The following COPZ1 variants were observed in gnomAD, a reference collection of about 807,000 sequenced individuals.
The protein encoded by COPZ1 is coatomer subunit zeta-1.
In COPZ1, 4 loss-of-function variants were observed where a neutral mutation model predicts 31.7. The ratio of observed to expected loss-of-function variants is 0.13; its 90% CI spans 0.06 to 0.29. COPZ1 has a LOEUF of 0.29. COPZ1 is among the 10% of genes least tolerant of loss of function. The pLI, the probability that COPZ1 is intolerant of heterozygous loss-of-function variation, is 1.00. For missense variants in COPZ1, 156 were observed against 211.5 expected (o/e 0.74, Z 1.63); for synonymous variants, 74 against 79.0 (o/e 0.94, Z 0.33).
chr12:54,338,347 G>A (rs1223857772), intron 1 of COPZ1, among the ~76,000 whole-genome samples: 1 of 152,202 alleles, frequency 6.6e-6, no homozygotes, highest in Admixed American at 6.5e-5. Flanking sequence ...TGCTTTACAG[G>A]AAGATCTTTC....
At chr12:54,331,384 T>G (rs1239090504) in intron 1 of COPZ1, among the ~76,000 whole-genome samples, 1 of 152,070 alleles carries the variant, frequency 6.6e-6, no homozygotes, top group African/African-American at 2.4e-5. Context: ...TTTCGCCATG[T>G]TGGCCAAGCT....
chr12:54,345,712 C>T (rs1954049723), intron 5 of COPZ1, among the ~76,000 whole-genome samples, 197 bp downstream of exon 5: 1 of 152,098 alleles, frequency 6.6e-6, no homozygotes, highest in South Asian at 2.1e-4. Flanking sequence ...AATCCCAGTA[C>T]TTTGGGAGGC....
Position 54,326,961 on chromosome 12 carries a change from C to CTTTTTTT in COPZ1, c.18+1811_18+1817dup, listed in dbSNP as rs60827109. On this transcript the variant is annotated intron_variant, in intron 1 of 8. Transcript: ENST00000262061. Reference sequence around the variant, plus strand: ...CTGTACCAAGCAGTTAACAAGTATTCTTTTTTTTTTTTTTTTTTTTTTTTT... The same window carrying CTTTTTTT: ...CTGTACCAAGCAGTTAACAAGTATTCTTTTTTTTTTTTTTTTTTTTTTTTTTTTTTTT... Among the ~76,000 whole-genome samples, 118 of 43,552 alleles carry CTTTTTTT rather than the reference C, an allele frequency of 2.7e-3. 46 individuals are homozygous for CTTTTTTT. Among genetic ancestry groups the CTTTTTTT allele is most frequent in the Non-Finnish European group, 3.2e-3 (72 of 22,524 alleles). The allele number at this position is 43,552 out of a possible 152,430, so 28.6% of individuals were successfully genotyped here. A position where few individuals can be genotyped will look rare whatever the true frequency, so the allele number is the denominator to read the frequency against.
At chr12:54,337,440 A>G (rs1953893020) in intron 1 of COPZ1, 2 of 357,296 alleles carry the variant, frequency 5.6e-6, no homozygotes, top group Non-Finnish European at 1.1e-5. Context: ...AGCCTAGTCC[A>G]TTGTCCTGGA....
chr12:54,341,132 T>G (rs1168938043), intron 2 of COPZ1, among the ~76,000 whole-genome samples: 1 of 152,212 alleles, frequency 6.6e-6, no homozygotes, highest in African/African-American at 2.4e-5. Context: ...GGGAAAAGCT[T>G]TGAAACTTTG....
At chr12:54,342,461 G>A (rs953737047) in intron 3 of COPZ1, 174 bp downstream of exon 3, 11 of 595,170 alleles carry the variant, frequency 1.8e-5, no homozygotes, top group African/African-American at 3.7e-5. Flanking sequence ...TGTACCTCAC[G>A]CGGGAATACC....
In COPZ1 at chr12:54,340,185, C is replaced by G. The variant is rs963276904; in HGVS notation, c.19-362C>G. 2.6e-5 allele frequency among the ~76,000 whole-genome samples: 4 copies of G among 152,088 alleles called. No homozygotes were observed. The East Asian group carries it at 7.7e-4, about 29-fold the overall frequency. ...CAGTGCCTTTTAATTAATCTGGTCA[C>G]ATTCTATAGCCACCTGTACATGGGA... is the stretch of plus-strand genomic sequence containing the variant. On this transcript the variant is annotated intron_variant, in intron 1 of 8. Coordinates refer to ENST00000262061, the MANE Select transcript of COPZ1 (RefSeq NM_016057.3).
rs754600737 is a variant in COPZ1 at position 54,325,202 on chromosome 12, A to G, written c.18+21A>G. The G allele has an allele frequency of 1.0e-5, 16 of 1,556,160 alleles. No individual in the cohort carries two copies. In the South Asian group the frequency reaches 1.9e-4, roughly 18 times the overall value. ...TTTTGGTAGGAGCTGGAGGGGCAGC[A>G]GAGATGCTGTGGTGTCCACAGGGGC... On this transcript the variant is annotated intron_variant, in intron 1 of 8. Coordinates refer to ENST00000262061, the MANE Select transcript of COPZ1 (RefSeq NM_016057.3).
intron 1 of COPZ1, among the ~76,000 whole-genome samples, chr12:54,335,680 CT>C (rs547103209): frequency 2.7e-4 from 38 of 142,726 alleles, no homozygotes; most frequent in Middle Eastern, 3.7e-3. Context: ...CAGTCAGCTT[CT>C]TTTTTTTTTT....
At chr12:54,347,698 T>G in intron 5 of COPZ1, 69 bp from the exon 6 acceptor site, 5 of 1,429,644 alleles carry the variant, frequency 3.5e-6, no homozygotes, top group Non-Finnish European at 3.9e-6. Context: ...GTTCCTCAAT[T>G]GAGACAAGGT....
chr12:54,332,833 A>C (rs2137089427), intron 1 of COPZ1, among the ~76,000 whole-genome samples: 1 of 152,008 alleles, frequency 6.6e-6, no homozygotes, highest in East Asian at 1.9e-4. Context: ...CATATTTATT[A>C]ATTTATGAAG....
At position 54,340,835 on chromosome 12, in the gene COPZ1, G is replaced by T. The variant is rs534040431; in HGVS notation, c.87+220G>T. 2.7e-3 allele frequency among the ~76,000 whole-genome samples: 404 copies of T among 152,172 alleles called. 1 individual carries two copies. Among genetic ancestry groups the T allele is most frequent in the Non-Finnish European group, 4.5e-3 (308 of 67,984 alleles). ...CAGCCTCAGCCTCCCAAGTAGCTGGGATTACAGGCACGCGCTACCACCCCC... is the reference window on the plus strand; with the variant it reads ...CAGCCTCAGCCTCCCAAGTAGCTGGTATTACAGGCACGCGCTACCACCCCC... On this transcript the variant is annotated intron_variant, in intron 2 of 8. Coordinates refer to ENST00000262061, the MANE Select transcript of COPZ1 (RefSeq NM_016057.3).
At chr12:54,335,207 C>T (rs1054923276) in intron 1 of COPZ1, among the ~76,000 whole-genome samples, 21 of 150,586 alleles carry the variant, frequency 1.4e-4, no homozygotes, top group Middle Eastern at 3.5e-3. Context: ...AAAGTGTTGG[C>T]ACAGAGTCAG....
At position 54,343,191 on chromosome 12, in the gene COPZ1, C is replaced by T. The variant is rs369932030; in HGVS notation, c.170-34C>T. On this transcript the variant is annotated intron_variant, in intron 3 of 8. Transcript: ENST00000262061. Reference sequence around the variant, plus strand: ...TTCTTTCCTACTTCCTTATCTCAAGCCACCCACTATTTTTACTTTTTTTCC... The same window carrying T: ...TTCTTTCCTACTTCCTTATCTCAAGTCACCCACTATTTTTACTTTTTTTCC... The T allele has an allele frequency of 1.7e-4, 264 of 1,534,324 alleles. 2 individuals are homozygous for T. The highest frequency in any genetic ancestry group is 2.1e-4 in the Non-Finnish European group (234 of 1,107,670).
intron 1 of COPZ1, among the ~76,000 whole-genome samples, chr12:54,331,816 GC>G (rs1457917639): frequency 6.6e-6 from 1 of 151,994 alleles, no homozygotes; most frequent in Non-Finnish European, 1.5e-5. Flanking sequence ...TTTTTCCTTT[GC>G]TGAGTGTTAT....
chr12:54,344,751 CAA>C (rs746930129), intron 4 of COPZ1: 9 of 123,168 alleles, frequency 7.3e-5, no homozygotes, highest in East Asian at 2.6e-4. Context: ...GCCAGACTCT[CAA>C]AAAAAAAAAA....
At chr12:54,343,062 G>A (rs1273628294) in intron 3 of COPZ1, among the ~76,000 whole-genome samples, 163 bp from the exon 4 acceptor site, 4 of 151,896 alleles carry the variant, frequency 2.6e-5, no homozygotes, top group Non-Finnish European at 4.4e-5. Flanking sequence ...TCACTGTGTT[G>A]GCCAGGCTGG....
At chr12:54,327,042 G>A (rs1953668289) in intron 1 of COPZ1, among the ~76,000 whole-genome samples, 1 of 128,240 alleles carries the variant, frequency 7.8e-6, no homozygotes, top group East Asian at 2.4e-4. Context: ...GTGCAGTGGT[G>A]CAATCTTGGC....
chr12:54,326,124 A>AATAATTATTATTATTATTATTATT (rs1555152047), intron 1 of COPZ1, among the ~76,000 whole-genome samples: 34 of 139,170 alleles, frequency 2.4e-4, no homozygotes, highest in African/African-American at 8.5e-4. Flanking sequence ...CCTGGCCAGG[A>AATAATTATTATTATTATTATTATT]ATTATTATTA....
Sources: allele counts gnomAD v4.1 joint callset (sites outside exome capture counted in the v4.1 genomes callset), GRCh38; gene constraint gnomAD v4.1.1; transcripts MANE v1.5; gene names NCBI Gene and HGNC (gene_info 2026-07-23, HGNC 2026-07-21).